CPNE4: variants seen among roughly 807,000 people sequenced by gnomAD.
The protein encoded by CPNE4 is copine 4, also known as copine-4.
A neutral mutation model predicts 67.9 loss-of-function variants in CPNE4; 25 were observed. The observed-to-expected ratio is 0.37, with a 90% confidence interval of 0.27 to 0.51. The LOEUF is 0.51. Ranked by LOEUF, CPNE4 falls within the 20% of genes least tolerant of loss-of-function variation. CPNE4 has a pLI of 0.93. For missense variants in CPNE4, 464 were observed against 690.8 expected, an observed-to-expected ratio of 0.67 and a Z score of 3.68; for synonymous variants, 242 against 244.9, an observed-to-expected ratio of 0.99 and a Z score of 0.11.
intron 12 of CPNE4, among the ~76,000 whole-genome samples, chr3:131,553,669 A>T (rs922243544): frequency 4.6e-5 from 7 of 152,006 alleles, no homozygotes; most frequent in Admixed American, 4.6e-4. Context: ...GGTTTCCCTC[A>T]CCTTTTAAAT....
chr3:132,027,254 G>A (rs955813693), intron 1 of CPNE4, among the ~76,000 whole-genome samples: 1 of 152,138 alleles, frequency 6.6e-6, no homozygotes, highest in Non-Finnish European at 1.5e-5. Flanking sequence ...GAGTGAAGAA[G>A]CCTTTATTCT....
At chr3:131,875,021 A>G (rs2107703014) in intron 2 of CPNE4, among the ~76,000 whole-genome samples, 1 of 152,314 alleles carries the variant, frequency 6.6e-6, no homozygotes, top group Non-Finnish European at 1.5e-5. Context: ...GTCACAATAA[A>G]TCTATGAAAT....
chr3:131,744,341 T>C (rs532850099), intron 2 of CPNE4, among the ~76,000 whole-genome samples: 68 of 152,170 alleles, frequency 4.5e-4, no homozygotes, highest in Non-Finnish European at 8.7e-4. Flanking sequence ...AAAAGACTTT[T>C]TAAAATCTTG....
intron 1 of CPNE4, among the ~76,000 whole-genome samples, chr3:131,945,601 C>T (rs1327911968): frequency 6.6e-6 from 1 of 152,178 alleles, no homozygotes; most frequent in African/African-American, 2.4e-5. Context: ...CCTACCCAAC[C>T]TTCTTCCTTC....
chr3:131,948,476 T>C (rs971423759), intron 1 of CPNE4, among the ~76,000 whole-genome samples: 2 of 152,160 alleles, frequency 1.3e-5, no homozygotes, highest in Non-Finnish European at 2.9e-5. Flanking sequence ...AACTACCCAG[T>C]CTCAGGTATT....
intron 2 of CPNE4, among the ~76,000 whole-genome samples, chr3:131,865,911 T>C (rs1254423738): frequency 6.6e-6 from 1 of 152,152 alleles, no homozygotes; most frequent in African/African-American, 2.4e-5. Context: ...CACTGACACT[T>C]CTATGGGGAG....
At chr3:131,695,018 C>G (rs2081117873) in intron 5 of CPNE4, among the ~76,000 whole-genome samples, 1 of 152,176 alleles carries the variant, frequency 6.6e-6, no homozygotes, top group Non-Finnish European at 1.5e-5. Flanking sequence ...TTGGGTAAAT[C>G]ATCATACCTT....
chr3:131,597,136 T>C (rs1485643839), intron 7 of CPNE4, among the ~76,000 whole-genome samples: 3 of 152,174 alleles, frequency 2.0e-5, no homozygotes, highest in African/African-American at 7.2e-5. Context: ...ATTATTATCA[T>C]CCCTACTGAA....
intron 1 of CPNE4, among the ~76,000 whole-genome samples, chr3:131,934,790 A>C (rs548218867): frequency 1.6e-4 from 24 of 152,280 alleles, no homozygotes; most frequent in Admixed American, 3.9e-4. Context: ...TACCTACTAA[A>C]GCAGGGGGAA....
chr3:131,742,159 G>C (rs1462215604), intron 2 of CPNE4, among the ~76,000 whole-genome samples: 1 of 152,174 alleles, frequency 6.6e-6, no homozygotes, highest in Non-Finnish European at 1.5e-5. Flanking sequence ...AGTAACATTT[G>C]AATCTGTAGA....
intron 1 of CPNE4, among the ~76,000 whole-genome samples, chr3:131,932,155 G>T (rs1034414964): frequency 6.6e-6 from 1 of 152,126 alleles, no homozygotes; most frequent in African/African-American, 2.4e-5. Flanking sequence ...GAGGACAGGA[G>T]GTCTCCAAAC....
At chr3:131,986,830 C>CAAAAAAAAAAAAACAAAAAAA (rs369896508) in intron 1 of CPNE4, among the ~76,000 whole-genome samples, 4 of 87,404 alleles carry the variant, frequency 4.6e-5, no homozygotes, top group Non-Finnish European at 6.6e-5. Flanking sequence ...GACTCGGTCT[C>CAAAAAAAAAAAAACAAAAAAA]AAAAAAAAAA....
chr3:131,929,196 C>CAAA (rs57462900), intron 1 of CPNE4, among the ~76,000 whole-genome samples: 32 of 98,810 alleles, frequency 3.2e-4, no homozygotes, highest in Non-Finnish European at 4.4e-4. Context: ...TTGTCCTCAC[C>CAAA]AAAAAAAAAA....
At chr3:131,691,887 G>C (rs1207629090) in intron 5 of CPNE4, among the ~76,000 whole-genome samples, 2 of 152,082 alleles carry the variant, frequency 1.3e-5, no homozygotes, top group African/African-American at 4.8e-5. Context: ...GAAATTCATA[G>C]CTTCAAAACA....
chr3:131,885,322 G>T (rs188047155), intron 2 of CPNE4, among the ~76,000 whole-genome samples: 140 of 140,420 alleles, frequency 1.0e-3, no homozygotes, highest in Admixed American at 1.9e-3. Flanking sequence ...AGGGTATCTG[G>T]TGGGAGAAAT....
chr3:131,575,469 C>T (rs1186184004), intron 9 of CPNE4, among the ~76,000 whole-genome samples: 1 of 152,142 alleles, frequency 6.6e-6, no homozygotes, highest in Admixed American at 6.6e-5. Context: ...TCACACTTGA[C>T]TTCAGTCTTG....
intron 2 of CPNE4, among the ~76,000 whole-genome samples, chr3:131,803,218 T>C (rs2084194494): frequency 6.6e-6 from 1 of 152,176 alleles, no homozygotes; most frequent in Admixed American, 6.6e-5. Flanking sequence ...GAATTTTCAT[T>C]TGAGTATGGT....
Position 131,856,040 on chromosome 3 carries a change from T to C in CPNE4, c.180+49224A>G, listed in dbSNP as rs142882540. 4.7e-3 allele frequency among the ~76,000 whole-genome samples: 719 copies of C among 152,100 alleles called. 8 individuals carry two copies. The highest frequency in any genetic ancestry group is 0.015 in the African/African-American group (634 of 41,540). The stretch of plus-strand genomic sequence containing the variant: ...GGTATTTTGCTCAGACTGGTTATCC[T>C]ATTTTCCAAGATTCTCAGTATTTTC... On this transcript the variant is annotated intron_variant, in intron 2 of 15. Coordinates refer to ENST00000429747, the MANE Select transcript of CPNE4 (RefSeq NM_130808.3).
chr3:131,819,104 C>CA (rs1238703788), intron 2 of CPNE4, among the ~76,000 whole-genome samples: 3 of 151,716 alleles, frequency 2.0e-5, no homozygotes, highest in Non-Finnish European at 2.9e-5. Flanking sequence ...CATCTCAAAA[C>CA]AAAAAAACAC....
Sources: gnomAD v4.1 joint callset for allele counts (sites outside exome capture counted in the v4.1 genomes callset) on GRCh38, gnomAD v4.1.1 for gene constraint, MANE v1.5 for transcripts, NCBI Gene and HGNC (gene_info 2026-07-23, HGNC 2026-07-21) for gene names.